Variants in KCNK12 observed in about 807,000 individuals in gnomAD.
KCNK12 encodes the protein potassium two pore domain channel subfamily K member 12.
In KCNK12, 6 loss-of-function variants were observed where a neutral mutation model predicts 25.3. The ratio of observed to expected loss-of-function variants is 0.24; its 90% CI spans 0.13 to 0.47. The LOEUF (loss-of-function observed/expected upper bound fraction) is 0.47. Ranked by LOEUF, KCNK12 falls within the 20% of genes least tolerant of loss-of-function variation. The probability of loss-of-function intolerance (pLI) is 0.99; values close to 1 mark genes in which losing one functional copy is unlikely to be tolerated. For synonymous variants in KCNK12, 331 were observed against 311.1 expected (o/e 1.06, Z -0.67); for missense variants, 444 against 661.7 (o/e 0.67, Z 3.61).
chr2:47,514,457 TACTTG>T lies in KCNK12; in HGVS notation c.*6445_*6449del, dbSNP rs1490174532. 7.9e-5 allele frequency among the ~76,000 whole-genome samples: 12 copies of T among 152,228 alleles called. No homozygotes were observed. Among genetic ancestry groups the T allele is most frequent in the Non-Finnish European group, 1.8e-4 (12 of 68,040 alleles). On this transcript the variant is annotated 3_prime_UTR_variant, in exon 2 of 2. Transcript: ENST00000327876. The surrounding 1 kb of genome is among the most constrained non-coding windows in gnomAD (Gnocchi z 5.0). ...ATGCCTGACCCCAAACTAGACGAGT[TACTTG>T]ACCTCTCTGACCCAAGACAAAATGG...
rs138399675 is a variant in KCNK12 at position 47,547,983 on chromosome 2, C to T, written c.391+21958G>A. Among the ~76,000 whole-genome samples, 48 of 152,170 alleles carry T rather than the reference C, an allele frequency of 3.2e-4. No individual in the cohort carries two copies. The East Asian group carries it at 7.3e-3, about 23-fold the overall frequency. ...AACATGGGGGTGGATTTCCCCCTTG[C>T]CGTTCTCATGATAGTAAGTTCTCAT... On this transcript the variant is annotated intron_variant, in intron 1 of 1. Transcript: ENST00000327876. The surrounding 1 kb of genome is among the most constrained non-coding windows in gnomAD (Gnocchi z 5.0).
chr2:47,521,659 C>G lies in KCNK12; in HGVS notation c.541G>C (p.Glu181Gln), dbSNP rs765738423. Residue 181 changes from glutamate (E) to glutamine (Q), a missense_variant, in exon 2 of 2, where the codon GAG becomes CAG. By Grantham distance (29) the Glu-to-Gln change is conservative. Transcript: ENST00000327876. ...LLAFIMRACRERQLRRSGLLP... is the reference protein window; with the variant it reads ...LLAFIMRACRQRQLRRSGLLP... ...AGGCCGCTGCGGCGCAGCTGGCGCT[C>G]CCGGCAGGCGCGCATGATGAAGGCC... 4.4e-6 allele frequency: 7 copies of G among 1,594,374 alleles called. No individual in the cohort carries two copies. The South Asian group carries it at 5.7e-5, about 13-fold the overall frequency.
intron 1 of KCNK12, among the ~76,000 whole-genome samples, chr2:47,546,884 G>T (rs1429000110): frequency 6.6e-6 from 1 of 151,562 alleles, no homozygotes; most frequent in Non-Finnish European, 1.5e-5. Flanking sequence ...ATGAAGGCAG[G>T]TGGAGAAACC....
chr2:47,533,018 T>G lies in KCNK12; in HGVS notation c.392-11210A>C, dbSNP rs1668970308. On this transcript the variant is annotated intron_variant, in intron 1 of 1. Coordinates refer to ENST00000327876, the MANE Select transcript of KCNK12 (RefSeq NM_022055.2). This position sits in a 1 kb window ranked among gnomAD's most constrained non-coding sequence, Gnocchi z 4.7. Reference sequence around the variant, plus strand: ...CCCAATGCCCTACTTATTTATTTATTTTTTATTTTTTTGAGACAGGCTCAC... The same window carrying G: ...CCCAATGCCCTACTTATTTATTTATGTTTTATTTTTTTGAGACAGGCTCAC... Among the ~76,000 whole-genome samples the G allele has an allele frequency of 6.6e-6, 1 of 151,978 alleles. No homozygotes were observed. Among genetic ancestry groups the G allele is most frequent in the Admixed American group, 6.5e-5 (1 of 15,270 alleles).
chr2:47,512,674 A>T lies in KCNK12; in HGVS notation c.*8233T>A. The T allele has an allele frequency of 2.1e-6, 1 of 480,974 alleles. No individual in the cohort carries two copies. The highest frequency in any genetic ancestry group is 3.7e-6 in the Non-Finnish European group (1 of 271,100). 29.8% of individuals were successfully genotyped at this position (480,974 alleles called of 1,614,324 possible). A position where few individuals can be genotyped will look rare whatever the true frequency, so the allele number is the denominator to read the frequency against. On this transcript the variant is annotated 3_prime_UTR_variant, in exon 2 of 2. Coordinates refer to ENST00000327876, the MANE Select transcript of KCNK12 (RefSeq NM_022055.2). ...TGCCCTTGTACACCCACTGCCTCTGAACTCTGCTCTGCATTGCTGAGCAAA... is the reference window on the plus strand; with the variant it reads ...TGCCCTTGTACACCCACTGCCTCTGTACTCTGCTCTGCATTGCTGAGCAAA...
chr2:47,534,632 A>G (rs1669019819), intron 1 of KCNK12, among the ~76,000 whole-genome samples: 2 of 150,704 alleles, frequency 1.3e-5, no homozygotes, highest in South Asian at 4.2e-4. Context: ...GACGTGACTG[A>G]TGAACCCGGA....
Position 47,534,840 on chromosome 2 carries a change from A to C in KCNK12, c.392-13032T>G, listed in dbSNP as rs17036650. The stretch of plus-strand genomic sequence containing the variant: ...CAGAGCAGCAAGACAATGTCAATTC[A>C]ATCACTTTACCTCAATTCCTCTATC... On this transcript the variant is annotated intron_variant, in intron 1 of 1. Transcript: ENST00000327876. 9.6e-3 allele frequency: 1,814 copies of C among 188,202 alleles called. 40 individuals carry two copies. Among genetic ancestry groups the C allele is most frequent in the African/African-American group, 0.04 (1,715 of 42,876 alleles). The allele number at this position is 188,202 out of a possible 1,614,324, so 11.7% of individuals were successfully genotyped here. A position where few individuals can be genotyped will look rare whatever the true frequency, so the allele number is the denominator to read the frequency against.
chr2:47,535,389 T>C (rs1417480714), intron 1 of KCNK12, among the ~76,000 whole-genome samples: 2 of 152,154 alleles, frequency 1.3e-5, no homozygotes, highest in African/African-American at 4.8e-5. Context: ...CACAAGGGTC[T>C]CTGTCAGGGC....
rs374424383 is a variant in KCNK12 at position 47,525,468 on chromosome 2, C to T, written c.392-3660G>A. On this transcript the variant is annotated intron_variant, in intron 1 of 1. Transcript: ENST00000327876. The surrounding 1 kb of genome is among the most constrained non-coding windows in gnomAD (Gnocchi z 4.1). Reference sequence around the variant, plus strand: ...GGTTCTGGGAGAACCCGGCAGTGTCCCCTGGAGTCCAGAGCTGTGCTGGAG... The same window carrying T: ...GGTTCTGGGAGAACCCGGCAGTGTCTCCTGGAGTCCAGAGCTGTGCTGGAG... 6.6e-6 allele frequency among the ~76,000 whole-genome samples: 1 copy of T among 152,148 alleles called. No individual in the cohort carries two copies. Among genetic ancestry groups the T allele is most frequent in the East Asian group, 1.9e-4 (1 of 5,192 alleles).
intron 1 of KCNK12, among the ~76,000 whole-genome samples, chr2:47,532,592 T>C (rs536629846): frequency 5.3e-5 from 8 of 152,336 alleles, no homozygotes; most frequent in Non-Finnish European, 7.4e-5. Flanking sequence ...GGTTTTTCTA[T>C]TCTTTGTTTA....
At chr2:47,531,338 T>A (rs1031161899) in intron 1 of KCNK12, among the ~76,000 whole-genome samples, 15 of 152,076 alleles carry the variant, frequency 9.9e-5, no homozygotes, top group African/African-American at 1.7e-4. Flanking sequence ...CTGGGCGTGG[T>A]GGCGTGTGCC....
chr2:47,535,027 G>A (rs562697118), intron 1 of KCNK12: 100 of 227,544 alleles, frequency 4.4e-4, no homozygotes, highest in African/African-American at 2.1e-3. Flanking sequence ...ATCTGGGGGC[G>A]CTCAGTGCCC....
Position 47,513,582 on chromosome 2 carries a change from G to A in KCNK12, c.*7325C>T, listed in dbSNP as rs926872120. 3.3e-5 allele frequency among the ~76,000 whole-genome samples: 5 copies of A among 152,100 alleles called. No individual in the cohort carries two copies. The highest frequency in any genetic ancestry group is 1.2e-4 in the African/African-American group (5 of 41,396). Reference sequence around the variant, plus strand: ...CTTCCAAAATGTTGGTCTAGCCTGGGTCATTGTTATGAGCTCTAGACTCAC... The same window carrying A: ...CTTCCAAAATGTTGGTCTAGCCTGGATCATTGTTATGAGCTCTAGACTCAC... On this transcript the variant is annotated 3_prime_UTR_variant, in exon 2 of 2. Coordinates refer to ENST00000327876, the MANE Select transcript of KCNK12 (RefSeq NM_022055.2).
intron 1 of KCNK12, chr2:47,543,950 G>A (rs1417457238): frequency 6.6e-6 from 1 of 152,210 alleles, no homozygotes; most frequent in African/African-American, 2.4e-5. Flanking sequence ...GGAGCCAGGA[G>A]GATGGCTGTC....
rs576868333 is a variant in KCNK12 at position 47,521,381 on chromosome 2, C to T, written c.819G>A (p.Gln273=). The T allele has an allele frequency of 4.0e-5, 65 of 1,613,642 alleles. No individual in the cohort carries two copies. The Admixed American group carries it at 7.7e-4, about 19-fold the overall frequency. The part of the protein sequence containing the change: ...VSSQHAAYRN[Q]GLYRLGNFLF... ...GGAAGTTGCCCAGGCGGTAGAGCCC[C>T]TGGTTCCGGTAGGCGGCGTGCTGGC... is the stretch of plus-strand genomic sequence containing the variant. Residue 273 remains glutamine, a synonymous_variant, in exon 2 of 2, where the codon CAG becomes CAA. Coordinates refer to ENST00000327876, the MANE Select transcript of KCNK12 (RefSeq NM_022055.2).
At chr2:47,526,456 G>C (rs1350108057) in intron 1 of KCNK12, among the ~76,000 whole-genome samples, 1 of 150,932 alleles carries the variant, frequency 6.6e-6, no homozygotes, top group African/African-American at 2.4e-5. Flanking sequence ...AACTGGCTGA[G>C]CCTGGTGGCT....
Position 47,566,377 on chromosome 2 carries a change from C to T in KCNK12, c.391+3564G>A, listed in dbSNP as rs1481087024. On this transcript the variant is annotated intron_variant, in intron 1 of 1. Transcript: ENST00000327876. This position sits in a 1 kb window ranked among gnomAD's most constrained non-coding sequence, Gnocchi z 4.1. ...GCCCATTCCTGCTCCTTCTTCCCCT[C>T]CTCTATACACATGTGCTCTCAAGAG... The T allele has an allele frequency of 6.6e-6, 1 of 152,142 alleles. No homozygotes were observed. Among genetic ancestry groups the T allele is most frequent in the Non-Finnish European group, 1.5e-5 (1 of 68,060 alleles). The allele number at this position is 152,142 out of a possible 1,614,324, so 9.4% of individuals were successfully genotyped here.
chr2:47,520,834 G>A lies in KCNK12; in HGVS notation c.*73C>T. ...TAAAGATTAAGAAAGCGCCAGCAGTGACTGAGAGAAGCAAACCACGCCCGG... is the reference window on the plus strand; with the variant it reads ...TAAAGATTAAGAAAGCGCCAGCAGTAACTGAGAGAAGCAAACCACGCCCGG... On this transcript the variant is annotated 3_prime_UTR_variant, in exon 2 of 2. Transcript: ENST00000327876. The surrounding 1 kb of genome is among the most constrained non-coding windows in gnomAD (Gnocchi z 5.0). The A allele has an allele frequency of 2.9e-6, 3 of 1,041,404 alleles. No individual in the cohort carries two copies. The highest frequency in any genetic ancestry group is 3.7e-6 in the Non-Finnish European group (3 of 812,232). The allele number at this position is 1,041,404 out of a possible 1,614,324, so 64.5% of individuals were successfully genotyped here.
intron 1 of KCNK12, among the ~76,000 whole-genome samples, chr2:47,526,734 AAAAC>A (rs1668788532): frequency 6.6e-6 from 1 of 152,156 alleles, no homozygotes; most frequent in Non-Finnish European, 1.5e-5. Flanking sequence ...CTCCGTCTCA[AAAAC>A]AAACAAAAAC....
Sources: gnomAD v4.1 joint callset for allele counts (sites outside exome capture counted in the v4.1 genomes callset) on GRCh38, gnomAD v4.1.1 for gene constraint, Gnocchi (gnomAD v3.1) non-coding constraint, MANE v1.5 for transcripts, NCBI Gene and HGNC (gene_info 2026-07-23, HGNC 2026-07-21) for gene names.